SGSM1: variants seen among roughly 807,000 people sequenced by gnomAD.
SGSM1 encodes the protein RUN and TBC1 domain containing 2.
SGSM1 carries 73 observed loss-of-function variants against 133.8 expected under a neutral mutation model. The ratio of observed to expected loss-of-function variants is 0.55; its 90% CI spans 0.45 to 0.66. The LOEUF is 0.66. Among genes scored for constraint, SGSM1 ranks in the 30% least tolerant of loss-of-function variants. The probability of loss-of-function intolerance (pLI) is 0.00; values close to 1 mark genes in which losing one functional copy is unlikely to be tolerated. For synonymous variants in SGSM1, 563 were observed against 573.0 expected, an observed-to-expected ratio of 0.98 and a Z score of 0.25; for missense variants, 1,213 against 1,448.1, an observed-to-expected ratio of 0.84 and a Z score of 2.64.
intron 8 of SGSM1, among the ~76,000 whole-genome samples, chr22:24,857,332 C>T (rs1930858553): frequency 1.4e-5 from 2 of 147,158 alleles, no homozygotes; most frequent in African/African-American, 2.5e-5. Flanking sequence ...TGCTTGAACC[C>T]AGGAGGTGGA....
In SGSM1 at chr22:24,893,604, C is replaced by G; in HGVS notation, c.1944C>G (p.Ile648Met). ...GGATGTTGCACAGGGACTCAACCATCAGCAATGAGGTGATGGGCGGCTGGC... is the reference window on the plus strand; with the variant it reads ...GGATGTTGCACAGGGACTCAACCATGAGCAATGAGGTGATGGGCGGCTGGC... ...LHRMLHRDST[I>M]SNESSQSCSS... The change falls in exon 17 of 25, where the codon ATC becomes ATG. Residue 648 changes from isoleucine to methionine, a missense_variant. Physicochemically the swap from Ile to Met is conservative, Grantham distance 10. Transcript: ENST00000400358. 1 of 1,573,496 alleles carries G rather than the reference C, an allele frequency of 6.4e-7. No individual in the cohort carries two copies. Among genetic ancestry groups the G allele is most frequent in the Non-Finnish European group, 8.6e-7 (1 of 1,160,876 alleles).
chr22:24,918,930 A>G (rs1471731366), intron 23 of SGSM1, among the ~76,000 whole-genome samples: 1 of 151,346 alleles, frequency 6.6e-6, no homozygotes, highest in Non-Finnish European at 1.5e-5. Flanking sequence ...TAGTAGAGGC[A>G]GGTTTCACCA....
Position 24,924,197 on chromosome 22 carries a change from C to T in SGSM1, c.3205C>T (p.Arg1069Ter), listed in dbSNP as rs1321017010. Residue 1069 changes from arginine (R) to a stop codon, truncating the protein, a stop_gained, in exon 25 of 25, where the codon CGA becomes TGA. Coordinates refer to ENST00000400358, the MANE Select transcript of SGSM1 (RefSeq NM_001098497.3). LOFTEE classifies it high-confidence loss of function. ...TTCTGCTCTTTCAGAAATGGCTGAGCGACACAACACCAAGCAAGTCCTGAA... is the reference window on the plus strand; with the variant it reads ...TTCTGCTCTTTCAGAAATGGCTGAGTGACACAACACCAAGCAAGTCCTGAA... ...IIKFFNEMAE[R>*]HNTKQVLKLA... 12 of 1,613,886 alleles carry T rather than the reference C, an allele frequency of 7.4e-6. No individual in the cohort carries two copies. The highest frequency in any genetic ancestry group is 1.0e-5 in the Non-Finnish European group (12 of 1,179,856).
chr22:24,917,898 G>T (rs117932095), intron 23 of SGSM1, 144 bp downstream of exon 23: 6,474 of 615,068 alleles, frequency 0.011, 44 homozygotes, highest in Middle Eastern at 0.019. Flanking sequence ...CCAGACTACC[G>T]TTTCACCTGC....
intron 16 of SGSM1, among the ~76,000 whole-genome samples, chr22:24,890,057 C>T (rs898835201): frequency 1.1e-4 from 16 of 151,112 alleles, no homozygotes; most frequent in East Asian, 2.0e-4. Flanking sequence ...GCTGGGTTCA[C>T]GCCATTCTTC....
In SGSM1 at chr22:24,847,873, C is replaced by G. The variant is rs985827209; in HGVS notation, c.302+77C>G. 35 of 1,523,966 alleles carry G rather than the reference C, an allele frequency of 2.3e-5. No homozygotes were observed. The Admixed American group carries it at 6.9e-4, about 30-fold the overall frequency. 94.4% of individuals were successfully genotyped at this position (1,523,966 alleles called of 1,614,324 possible). On this transcript the variant is annotated intron_variant, in intron 4 of 24. Coordinates refer to ENST00000400358, the MANE Select transcript of SGSM1 (RefSeq NM_001098497.3). ...AGTCCTCCCTGGGTCCTGAGAGAGC[C>G]TGCAACCCCTAGCACTCTTTTCAGT...
chr22:24,860,918 AAAAAATATATATAT>A (rs1396953234), intron 9 of SGSM1, among the ~76,000 whole-genome samples: 5 of 76,102 alleles, frequency 6.6e-5, no homozygotes, highest in South Asian at 5.4e-4. Context: ...AAAAAAAAAA[AAAAAATATATATAT>A]ATATATATAT....
intron 9 of SGSM1, among the ~76,000 whole-genome samples, chr22:24,861,083 G>A (rs970081706): frequency 4.0e-5 from 6 of 150,496 alleles, no homozygotes; most frequent in African/African-American, 7.3e-5. Context: ...GGCTGGGCGC[G>A]GTGGCTCATG....
At chr22:24,866,879 A>G (rs1931486375) in intron 9 of SGSM1, among the ~76,000 whole-genome samples, 3 of 152,002 alleles carry the variant, frequency 2.0e-5, no homozygotes, top group African/African-American at 7.2e-5. Context: ...CACCTCCCAT[A>G]TGAACTGGGG....
chr22:24,890,177 C>G (rs554904138), intron 16 of SGSM1, among the ~76,000 whole-genome samples: 5 of 151,568 alleles, frequency 3.3e-5, no homozygotes. Flanking sequence ...AGGATGGTCT[C>G]GATCTCCTGA....
chr22:24,911,180 T>C (rs962043478), intron 21 of SGSM1, among the ~76,000 whole-genome samples: 4 of 151,828 alleles, frequency 2.6e-5, no homozygotes, highest in South Asian at 2.1e-4. Context: ...GAGGCTGCAG[T>C]GAGCCGTGAT....
chr22:24,885,863 A>G (rs1662096112), intron 15 of SGSM1, among the ~76,000 whole-genome samples: 1 of 152,214 alleles, frequency 6.6e-6, no homozygotes, highest in African/African-American at 2.4e-5. Context: ...ATATGATGCC[A>G]CGACAGATAT....
At chr22:24,846,251 C>T (rs1160368766) in intron 3 of SGSM1, among the ~76,000 whole-genome samples, 4 of 151,686 alleles carry the variant, frequency 2.6e-5, no homozygotes, top group Admixed American at 6.6e-5. Flanking sequence ...GTTGTCAGGG[C>T]TGGTCTTGAA....
intron 2 of SGSM1, among the ~76,000 whole-genome samples, chr22:24,842,505 A>G (rs189486810): frequency 2.1e-4 from 32 of 152,340 alleles, no homozygotes; most frequent in Admixed American, 7.8e-4. Flanking sequence ...TCATTTTCCA[A>G]AGAGAACTTT....
Position 24,819,031 on chromosome 22 carries a change from A to G in SGSM1, c.63+12547A>G, listed in dbSNP as rs371415545. 1.1e-3 allele frequency among the ~76,000 whole-genome samples: 171 copies of G among 151,876 alleles called. 6 individuals carry two copies. In the South Asian group the frequency reaches 0.028, roughly 25 times the overall value. ...TGTGGCGGTGTGTGCCTGTAGTCCC[A>G]GCTACTCGGGAGGCTGAGGCAGGAG... On this transcript the variant is annotated intron_variant, in intron 2 of 24. Transcript: ENST00000400358.
In SGSM1 at chr22:24,845,766, C is replaced by T. The variant is rs753233107; in HGVS notation, c.139+794C>T. ...AACATGCTGAGCACACGCTGTGACC[C>T]GGGAGGCAAGGACCTCAGTTCACCC... On this transcript the variant is annotated intron_variant, in intron 3 of 24. Transcript: ENST00000400358. 3.3e-5 allele frequency among the ~76,000 whole-genome samples: 5 copies of T among 151,924 alleles called. No homozygotes were observed. The South Asian group carries it at 6.3e-4, about 19-fold the overall frequency.
chr22:24,849,247 T>TA (rs377102485), intron 4 of SGSM1, among the ~76,000 whole-genome samples: 27,132 of 142,478 alleles, frequency 0.19, 2,524 homozygotes, highest in South Asian at 0.26. Flanking sequence ...AGTATTTTAT[T>TA]AAAAAAAAAA....
At chr22:24,863,479 G>A (rs1478584001) in intron 9 of SGSM1, among the ~76,000 whole-genome samples, 2 of 152,092 alleles carry the variant, frequency 1.3e-5, no homozygotes, top group Non-Finnish European at 2.9e-5. Context: ...TTGATACTGA[G>A]TTCGGTTGAA....
At chr22:24,820,552 T>G (rs916661806) in intron 2 of SGSM1, among the ~76,000 whole-genome samples, 1 of 152,156 alleles carries the variant, frequency 6.6e-6, no homozygotes, top group Non-Finnish European at 1.5e-5. Context: ...GTCCACAGGC[T>G]CTTATCATTT....
Sources: allele counts gnomAD v4.1 joint callset (sites outside exome capture counted in the v4.1 genomes callset), GRCh38; gene constraint gnomAD v4.1.1; transcripts MANE v1.5; gene names NCBI Gene and HGNC (gene_info 2026-07-23, HGNC 2026-07-21).